The following RIC1 variants were observed in gnomAD, a reference collection of about 807,000 sequenced individuals.
The protein encoded by RIC1 is RIC1 partner of RAB6A GEF complex, also known as guanine nucleotide exchange factor subunit RIC1.
Under a neutral mutation model 169.0 loss-of-function variants are expected in RIC1, and 88 were observed. The observed-to-expected ratio is 0.52, with a 90% CI of 0.44 to 0.62. RIC1 has a LOEUF of 0.62. Ranked by LOEUF, RIC1 falls within the 20% of genes least tolerant of loss-of-function variation. RIC1 has a pLI of 0.00. For missense variants in RIC1, 1,877 were observed against 1,725.5 expected, an observed-to-expected ratio of 1.09 and a Z score of -1.56; for synonymous variants, 790 against 601.5, an observed-to-expected ratio of 1.31 and a Z score of -4.59.
intron 6 of RIC1, among the ~76,000 whole-genome samples, chr9:5,722,820 T>G (rs1056796655): frequency 1.3e-5 from 2 of 152,198 alleles, no homozygotes; most frequent in East Asian, 3.9e-4. Flanking sequence ...TGGTTTTTTG[T>G]CCTTGCAATA....
At chr9:5,768,421 G>C (rs1261630064) in intron 21 of RIC1, among the ~76,000 whole-genome samples, 2 of 152,146 alleles carry the variant, frequency 1.3e-5, no homozygotes, top group Admixed American at 1.3e-4. Context: ...CAGCTACTTG[G>C]GAGGCTGAGG....
chr9:5,721,545 A>G (rs1016738606), intron 6 of RIC1, among the ~76,000 whole-genome samples: 4 of 152,184 alleles, frequency 2.6e-5, no homozygotes, highest in Admixed American at 6.5e-5. Flanking sequence ...GGCATTATTC[A>G]GAAAGAATCA....
intron 3 of RIC1, among the ~76,000 whole-genome samples, chr9:5,710,029 C>T (rs1476354490): frequency 6.6e-6 from 1 of 152,146 alleles, no homozygotes; most frequent in African/African-American, 2.4e-5. Context: ...AAATTCCCAT[C>T]TTTAATTTAA....
chr9:5,639,769 G>A (rs770832263), intron 1 of RIC1, among the ~76,000 whole-genome samples: 1 of 152,138 alleles, frequency 6.6e-6, no homozygotes, highest in African/African-American at 2.4e-5. Context: ...TGTGTTGGGT[G>A]CATATGTACA....
intron 1 of RIC1, among the ~76,000 whole-genome samples, chr9:5,643,232 G>T (rs1292359212): frequency 1.3e-5 from 2 of 152,134 alleles, no homozygotes; most frequent in Non-Finnish European, 2.9e-5. Flanking sequence ...GTTTGAGCCT[G>T]GGATGTCTTG....
chr9:5,658,237 A>G (rs1819224761), intron 2 of RIC1, among the ~76,000 whole-genome samples: 1 of 152,132 alleles, frequency 6.6e-6, no homozygotes, highest in African/African-American at 2.4e-5. Context: ...TTAGATGGCA[A>G]AATATTGTAT....
At chr9:5,654,024 G>T (rs547173360) in intron 1 of RIC1, among the ~76,000 whole-genome samples, 1 of 152,232 alleles carries the variant, frequency 6.6e-6, no homozygotes, top group African/African-American at 2.4e-5. Flanking sequence ...TTTTGAGACA[G>T]CATCTTACTC....
intron 1 of RIC1, among the ~76,000 whole-genome samples, chr9:5,646,237 G>A (rs1443059994): frequency 6.6e-6 from 1 of 152,064 alleles, no homozygotes; most frequent in South Asian, 2.1e-4. Flanking sequence ...AGTGTCCGTT[G>A]AAGTTCTTTG....
intron 3 of RIC1, among the ~76,000 whole-genome samples, chr9:5,700,988 T>G (rs1444353780): frequency 6.6e-6 from 1 of 152,260 alleles, no homozygotes; most frequent in Admixed American, 6.5e-5. Flanking sequence ...TTAGTTCAGA[T>G]TCTTCTCAGA....
intron 2 of RIC1, among the ~76,000 whole-genome samples, chr9:5,668,440 G>A (rs941475146): frequency 2.0e-5 from 3 of 152,114 alleles, no homozygotes; most frequent in Admixed American, 2.0e-4. Flanking sequence ...TCTTGGATTT[G>A]TATATTCACG....
Position 5,742,878 on chromosome 9 carries a change from A to G in RIC1, c.911A>G (p.Asn304Ser). ...CACTATTTCCTAACAGACATTTGGA[A>G]TAAAACAGGAGCTGTTAAATTGATG... ...LTAKQYPDIW[N>S]KTGAVKLMRW... Residue 304 changes from asparagine (N) to serine (S), a missense_variant, in exon 9 of 26, where the codon AAT becomes AGT. By Grantham distance (46) the Asn-to-Ser change is conservative. This residue lies in a region of RIC1 where 1,104 missense variants were observed against 992.0 expected (regional missense o/e 1.11). Coordinates refer to ENST00000414202, the MANE Select transcript of RIC1 (RefSeq NM_020829.4). The G allele has an allele frequency of 6.2e-7, 1 of 1,611,912 alleles. No individual in the cohort carries two copies. The highest frequency in any genetic ancestry group is 8.5e-7 in the Non-Finnish European group (1 of 1,178,792).
intron 2 of RIC1, among the ~76,000 whole-genome samples, chr9:5,675,744 A>G (rs946710083): frequency 1.3e-5 from 2 of 152,222 alleles, no homozygotes; most frequent in South Asian, 2.1e-4. Context: ...AACATGGAGG[A>G]ATCATATGTA....
chr9:5,740,275 G>T (rs1022642420), intron 8 of RIC1, among the ~76,000 whole-genome samples: 1 of 152,112 alleles, frequency 6.6e-6, no homozygotes, highest in African/African-American at 2.4e-5. Flanking sequence ...GTCAAGGACT[G>T]TCAGTGCGTA....
chr9:5,741,305 G>C (rs1346720236), intron 8 of RIC1, among the ~76,000 whole-genome samples: 1 of 152,144 alleles, frequency 6.6e-6, no homozygotes, highest in Non-Finnish European at 1.5e-5. Flanking sequence ...TGGAAGGGAA[G>C]AATTTTGTTT....
intron 2 of RIC1, among the ~76,000 whole-genome samples, chr9:5,669,115 A>G (rs994402807): frequency 1.3e-5 from 2 of 152,038 alleles, no homozygotes; most frequent in East Asian, 1.9e-4. Context: ...CATAGTATGT[A>G]TTTCTTCTGA....
chr9:5,726,853 C>A (rs993755373), intron 6 of RIC1, among the ~76,000 whole-genome samples: 6 of 152,286 alleles, frequency 3.9e-5, no homozygotes, highest in East Asian at 3.9e-4. Context: ...GTTGAAAATT[C>A]TTTTCTATAA....
chr9:5,707,566 C>A (rs966661219), intron 3 of RIC1, among the ~76,000 whole-genome samples: 1 of 152,002 alleles, frequency 6.6e-6, no homozygotes, highest in Non-Finnish European at 1.5e-5. Context: ...ATATTTGAAT[C>A]TCTTTATAGG....
At chr9:5,708,105 T>G (rs999587566) in intron 3 of RIC1, among the ~76,000 whole-genome samples, 1 of 152,122 alleles carries the variant, frequency 6.6e-6, no homozygotes, top group African/African-American at 2.4e-5. Flanking sequence ...TAAATTAACA[T>G]CTTGCATGTA....
At chr9:5,677,241 CATT>C (rs1468302247) in intron 2 of RIC1, among the ~76,000 whole-genome samples, 1 of 152,140 alleles carries the variant, frequency 6.6e-6, no homozygotes, top group Non-Finnish European at 1.5e-5. Flanking sequence ...AGTGATATCT[CATT>C]ATAATTTTAA....
Sources: allele counts gnomAD v4.1 joint callset (sites outside exome capture counted in the v4.1 genomes callset), GRCh38; gene constraint gnomAD v4.1.1; regional missense constraint gnomAD v4.1.1; transcripts MANE v1.5; gene names NCBI Gene and HGNC (gene_info 2026-07-23, HGNC 2026-07-21).